The following TRAPPC9 variants were observed in gnomAD, a reference collection of about 807,000 sequenced individuals.
The protein encoded by TRAPPC9 is IKK2 binding protein.
Under a neutral mutation model 124.0 loss-of-function variants are expected in TRAPPC9, and 83 were observed. That is an observed-to-expected ratio of 0.67 (90% CI 0.56 to 0.80). The LOEUF (loss-of-function observed/expected upper bound fraction) is 0.80, where lower values mean the gene tolerates loss of function less well. Among genes scored for constraint, TRAPPC9 ranks in the 30% least tolerant of loss-of-function variants. The probability of loss-of-function intolerance (pLI) is 0.00; values close to 1 mark genes in which losing one functional copy is unlikely to be tolerated. For missense variants in TRAPPC9, 1,302 were observed against 1,508.3 expected (o/e 0.86, Z 2.27); for synonymous variants, 638 against 617.5 (o/e 1.03, Z -0.49).
At chr8:140,456,660 C>CA (rs2071676505) in intron 1 of TRAPPC9, 1 of 392,050 alleles carries the variant, frequency 2.6e-6, no homozygotes. Flanking sequence ...CCTGGGCCTC[C>CA]AACATCATCC....
In TRAPPC9 at chr8:140,378,572, C is replaced by T. The variant is rs182211738; in HGVS notation, c.1135-7392G>A. Among the ~76,000 whole-genome samples, 335 of 152,230 alleles carry T rather than the reference C, an allele frequency of 2.2e-3. 1 individual carries two copies. Among genetic ancestry groups the T allele is most frequent in the Non-Finnish European group, 4.0e-3 (270 of 68,012 alleles). ...GTGAGTTAATACTTAATAAACTCCC[C>T]TTTATATATGTATATATCCTATCAG... On this transcript the variant is annotated intron_variant, in intron 7 of 22. Coordinates refer to ENST00000438773, the MANE Select transcript of TRAPPC9 (RefSeq NM_001160372.4).
At chr8:140,446,293 CAAA>C (rs59393001) in intron 2 of TRAPPC9, among the ~76,000 whole-genome samples, 17 of 110,316 alleles carry the variant, frequency 1.5e-4, no homozygotes, top group East Asian at 5.7e-4. Context: ...GACTCTGTCT[CAAA>C]AAAAAAAAAA....
Position 139,907,564 on chromosome 8 carries a change from A to AGAGGGAGG in TRAPPC9, c.2964+2575_2964+2582dup, listed in dbSNP as rs1216728867. Among the ~76,000 whole-genome samples, 5 of 77,924 alleles carry AGAGGGAGG rather than the reference A, an allele frequency of 6.4e-5. No individual in the cohort carries two copies. The Admixed American group carries it at 7.5e-4, about 12-fold the overall frequency. 51.1% of individuals were successfully genotyped at this position (77,924 alleles called of 152,430 possible). ...GGGGGGGAGGAAGGGATGGAGGCAG[A>AGAGGGAGG]GAGGGAGGGAGGGAGGGAGGGAGGG... On this transcript the variant is annotated intron_variant, in intron 20 of 22. Transcript: ENST00000438773. The surrounding 1 kb of genome is among the most constrained non-coding windows in gnomAD (Gnocchi z 4.7).
At chr8:140,138,996 T>C (rs2061344508) in intron 17 of TRAPPC9, among the ~76,000 whole-genome samples, 1 of 152,096 alleles carries the variant, frequency 6.6e-6, no homozygotes, top group Non-Finnish European at 1.5e-5. Context: ...GACATCCTAA[T>C]GCTCAGCGAA....
At chr8:140,009,512 C>G (rs1016405180) in intron 18 of TRAPPC9, among the ~76,000 whole-genome samples, 1 of 152,214 alleles carries the variant, frequency 6.6e-6, no homozygotes, top group Non-Finnish European at 1.5e-5. Context: ...TTCTCACACA[C>G]GACGTCCCCA....
At chr8:139,889,476 A>T (rs181087659) in intron 20 of TRAPPC9, among the ~76,000 whole-genome samples, 1 of 152,200 alleles carries the variant, frequency 6.6e-6, no homozygotes, top group Admixed American at 6.5e-5. Context: ...AGGAGTGCTC[A>T]GTCCCTGAGG....
chr8:139,761,111 G>T (rs1166316510), intron 21 of TRAPPC9, among the ~76,000 whole-genome samples: 1 of 152,212 alleles, frequency 6.6e-6, no homozygotes, highest in Non-Finnish European at 1.5e-5. Flanking sequence ...AAGGCAACTT[G>T]GAAATGAATG....
At chr8:139,809,096 A>G (rs182491931) in intron 21 of TRAPPC9, among the ~76,000 whole-genome samples, 17 of 152,372 alleles carry the variant, frequency 1.1e-4, no homozygotes, top group Admixed American at 9.1e-4. Flanking sequence ...ATTATCAAAA[A>G]CATCTATTTT....
At chr8:139,862,551 A>G (rs1828238644) in intron 21 of TRAPPC9, among the ~76,000 whole-genome samples, 1 of 152,364 alleles carries the variant, frequency 6.6e-6, no homozygotes, top group Non-Finnish European at 1.5e-5. Context: ...GACGCCTGTA[A>G]GGATCACTTC....
At chr8:139,894,205 T>C (rs1830523162) in intron 20 of TRAPPC9, among the ~76,000 whole-genome samples, 1 of 152,210 alleles carries the variant, frequency 6.6e-6, no homozygotes, top group African/African-American at 2.4e-5. Context: ...TCAGGCTAAC[T>C]CAGGGCAGCC....
chr8:140,020,986 T>C (rs1272122261), intron 18 of TRAPPC9, among the ~76,000 whole-genome samples: 2 of 152,256 alleles, frequency 1.3e-5, no homozygotes, highest in Admixed American at 1.3e-4. Context: ...TTTTTGTTTT[T>C]ACATTATGCA....
At chr8:140,112,398 G>T (rs904595983) in intron 17 of TRAPPC9, among the ~76,000 whole-genome samples, 2 of 151,502 alleles carry the variant, frequency 1.3e-5, no homozygotes, top group Non-Finnish European at 2.9e-5. Flanking sequence ...CAGGTGTGAG[G>T]AGAGTAATGG....
chr8:139,894,417 G>A (rs1180447509), intron 20 of TRAPPC9, among the ~76,000 whole-genome samples: 2 of 152,104 alleles, frequency 1.3e-5, no homozygotes, highest in African/African-American at 4.8e-5. Context: ...GAGTCAGTTT[G>A]CCCCAAGCCC....
intron 21 of TRAPPC9, among the ~76,000 whole-genome samples, chr8:139,818,803 G>A (rs565886021): frequency 2.6e-5 from 4 of 152,274 alleles, no homozygotes; most frequent in South Asian, 2.1e-4. Flanking sequence ...CTCCTCCGTC[G>A]CCTGGCAAAG....
At chr8:140,349,185 A>AG (rs2067447763) in intron 9 of TRAPPC9, among the ~76,000 whole-genome samples, 1 of 92,096 alleles carries the variant, frequency 1.1e-5, no homozygotes, top group Admixed American at 1.4e-4. Context: ...AGGACACACC[A>AG]GGGGGCCGAA....
chr8:140,179,424 G>C lies in TRAPPC9; in HGVS notation c.2556+42035C>G, dbSNP rs541429644. Among the ~76,000 whole-genome samples the C allele has an allele frequency of 2.0e-5, 3 of 152,094 alleles. No homozygotes were observed. The South Asian group carries it at 6.2e-4, about 32-fold the overall frequency. On this transcript the variant is annotated intron_variant, in intron 17 of 22. Transcript: ENST00000438773. ...TACTGAGTTTTAATTTAATTCTGTT[G>C]TGGTCACATAGTATACTCTGTATGT...
At chr8:139,806,844 C>T (rs1342469707) in intron 21 of TRAPPC9, among the ~76,000 whole-genome samples, 1 of 152,242 alleles carries the variant, frequency 6.6e-6, no homozygotes, top group Non-Finnish European at 1.5e-5. Flanking sequence ...GAGGCTTCCT[C>T]ACTCCTCTGG....
At chr8:140,006,135 A>C (rs1838731784) in intron 18 of TRAPPC9, among the ~76,000 whole-genome samples, 3 of 152,312 alleles carry the variant, frequency 2.0e-5, no homozygotes. Context: ...TAAAAAGAAC[A>C]GGTTTAGTGG....
Position 140,024,207 on chromosome 8 carries a change from T to C in TRAPPC9, c.2557-128A>G, listed in dbSNP as rs149128236. 3.9e-3 allele frequency: 4,792 copies of C among 1,216,738 alleles called. 175 individuals are homozygous for C. The Admixed American group carries it at 0.069, about 17-fold the overall frequency. The allele number at this position is 1,216,738 out of a possible 1,614,324, so 75.4% of individuals were successfully genotyped here. A position where few individuals can be genotyped will look rare whatever the true frequency, so the allele number is the denominator to read the frequency against. On this transcript the variant is annotated intron_variant, in intron 17 of 22. Transcript: ENST00000438773. ...ATCCCAACTAGTCAAGTCATCAGCA[T>C]TGGCCGACTCACAACCCCGGCGGGT...
Sources: allele counts gnomAD v4.1 joint callset (sites outside exome capture counted in the v4.1 genomes callset), GRCh38; gene constraint gnomAD v4.1.1; non-coding constraint Gnocchi (gnomAD v3.1); transcripts MANE v1.5; gene names NCBI Gene and HGNC (gene_info 2026-07-23, HGNC 2026-07-21).